The following SCRG1 variants were observed in gnomAD, a reference collection of about 807,000 sequenced individuals.
The protein encoded by SCRG1 is scrapie-responsive protein 1.
In SCRG1, 3 loss-of-function variants were observed where a neutral mutation model predicts 7.7. The observed-to-expected ratio is 0.39, with a 90% confidence interval of 0.18 to 1.01. The LOEUF (loss-of-function observed/expected upper bound fraction) is 1.01, where lower values mean the gene tolerates loss of function less well. Ranked by LOEUF, SCRG1 falls within the 50% of genes least tolerant of loss-of-function variation. The probability of loss-of-function intolerance (pLI) is 0.36; values close to 1 mark genes in which losing one functional copy is unlikely to be tolerated. For synonymous variants in SCRG1, 46 were observed against 41.2 expected (o/e 1.12, Z -0.44); for missense variants, 110 against 117.2 (o/e 0.94, Z 0.28).
At chr4:173,507,374 T>C in the SCRG1 span, among the ~76,000 whole-genome samples, 3 of 152,136 alleles carry the variant, frequency 2.0e-5, no homozygotes, top group African/African-American at 7.2e-5. The surrounding 1 kb of genome is among the most constrained non-coding windows in gnomAD (Gnocchi z 4.4). Flanking sequence ...CACGCCCGGC[T>C]AATTTTTGTA....
the SCRG1 span, among the ~76,000 whole-genome samples, chr4:173,444,663 G>C: frequency 0.059 from 9,004 of 152,224 alleles, 373 homozygotes; most frequent in Non-Finnish European, 0.086. Flanking sequence ...ACCCAATCTT[G>C]GTCAAGGAAA....
chr4:173,507,736 G>A, the SCRG1 span, among the ~76,000 whole-genome samples: 1 of 152,220 alleles, frequency 6.6e-6, no homozygotes, highest in African/African-American at 2.4e-5. The surrounding 1 kb of genome is among the most constrained non-coding windows in gnomAD (Gnocchi z 4.4). Flanking sequence ...GGATGAGAGA[G>A]CAATCTCTTT....
the SCRG1 span, among the ~76,000 whole-genome samples, chr4:173,413,202 G>T: frequency 6.6e-6 from 1 of 152,120 alleles, no homozygotes; most frequent in Non-Finnish European, 1.5e-5. Context: ...CCTACAGCTG[G>T]CAAAATGCCT....
At chr4:173,461,542 C>A in the SCRG1 span, among the ~76,000 whole-genome samples, 1 of 152,238 alleles carries the variant, frequency 6.6e-6, no homozygotes, top group African/African-American at 2.4e-5. Context: ...CAGTTTAGAT[C>A]ACAACACCCA....
chr4:173,518,710 T>C, the SCRG1 span, among the ~76,000 whole-genome samples: 2 of 152,132 alleles, frequency 1.3e-5, no homozygotes, highest in Non-Finnish European at 2.9e-5. Context: ...CGCCCCCTTT[T>C]TGGTCTCCAC....
At chr4:173,419,934 TCATAGCCCC>T in the SCRG1 span, 1 of 758,812 alleles carries the variant, frequency 1.3e-6, no homozygotes, top group Non-Finnish European at 2.4e-6. Context: ...GTGCAGACTA[TCATAGCCCC>T]CTCTATACGG....
chr4:173,482,066 C>A, the SCRG1 span, among the ~76,000 whole-genome samples: 1 of 151,856 alleles, frequency 6.6e-6, no homozygotes, highest in Non-Finnish European at 1.5e-5. Context: ...CTTACATTAT[C>A]TTGATTTGGT....
chr4:173,423,688 C>A, the SCRG1 span, among the ~76,000 whole-genome samples: 1 of 143,640 alleles, frequency 7.0e-6, no homozygotes, highest in Non-Finnish European at 1.5e-5. Flanking sequence ...TTATTTTTTC[C>A]TTATAGCATT....
At chr4:173,515,985 G>A in the SCRG1 span, among the ~76,000 whole-genome samples, 5 of 152,136 alleles carry the variant, frequency 3.3e-5, 1 homozygote, top group Non-Finnish European at 7.4e-5. This position sits in a 1 kb window ranked among gnomAD's most constrained non-coding sequence, Gnocchi z 4.6. Flanking sequence ...TCCCCAGATT[G>A]GAGAGGTTTA....
upstream of SCRG1, among the ~76,000 whole-genome samples, chr4:173,408,991 C>CAAAAAAAAAAAAAAAAAAAAAAAAAAA (rs991902394): frequency 2.0e-5 from 1 of 51,274 alleles, no homozygotes; most frequent in East Asian, 4.0e-4. Context: ...GACTCAGTCT[C>CAAAAAAAAAAAAAAAAAAAAAAAAAAA]AAAAAAAAAA....
chr4:173,483,549 A>ATTATATATTATATTATGATATATAATATT, the SCRG1 span, among the ~76,000 whole-genome samples: 1 of 47,822 alleles, frequency 2.1e-5, no homozygotes, highest in Admixed American at 3.5e-4. Context: ...TATATAATAT[A>ATTATATATTATATTATGATATATAATATT]TATTATATAT....
the SCRG1 span, among the ~76,000 whole-genome samples, chr4:173,445,572 A>G: frequency 1.1e-5 from 1 of 94,808 alleles, no homozygotes. Context: ...ACAGAGTAAG[A>G]CTCCGTCTCG....
the SCRG1 span, among the ~76,000 whole-genome samples, chr4:173,411,949 G>A: frequency 5.1e-4 from 77 of 152,276 alleles, no homozygotes; most frequent in African/African-American, 1.8e-3. Context: ...GAATGCTAGC[G>A]TTTTTCACCT....
the SCRG1 span, among the ~76,000 whole-genome samples, chr4:173,437,377 T>C: frequency 1.3e-5 from 2 of 152,230 alleles, no homozygotes; most frequent in Non-Finnish European, 2.9e-5. Flanking sequence ...ATACCACTTA[T>C]TTGATCTGGC....
chr4:173,429,868 T>C, the SCRG1 span, among the ~76,000 whole-genome samples: 1 of 152,180 alleles, frequency 6.6e-6, no homozygotes. Flanking sequence ...TTTCTAGCAA[T>C]GTTGCCAAGT....
the SCRG1 span, among the ~76,000 whole-genome samples, chr4:173,478,167 T>C: frequency 1.3e-5 from 2 of 152,180 alleles, no homozygotes; most frequent in Non-Finnish European, 2.9e-5. Flanking sequence ...TAATATAGCT[T>C]TAACCTGCTG....
the SCRG1 span, among the ~76,000 whole-genome samples, chr4:173,507,490 G>T: frequency 2.0e-5 from 3 of 152,180 alleles, no homozygotes; most frequent in African/African-American, 7.2e-5. The surrounding 1 kb of genome is among the most constrained non-coding windows in gnomAD (Gnocchi z 4.4). Context: ...GATTACAGGC[G>T]TGAGCCTCCC....
intron 2 of SCRG1, among the ~76,000 whole-genome samples, chr4:173,390,227 G>T (rs906025866): frequency 2.0e-5 from 3 of 151,568 alleles, no homozygotes; most frequent in Non-Finnish European, 2.9e-5. Context: ...TTGTATTTTT[G>T]TAGAGACAGA....
chr4:173,408,823 C>A (rs1739974696), upstream of SCRG1, among the ~76,000 whole-genome samples: 1 of 151,786 alleles, frequency 6.6e-6, no homozygotes, highest in African/African-American at 2.4e-5. Flanking sequence ...GAAACCCCGT[C>A]TCTACTAAAA....
Sources: allele counts gnomAD v4.1 joint callset (sites outside exome capture counted in the v4.1 genomes callset), GRCh38; gene constraint gnomAD v4.1.1; non-coding constraint Gnocchi (gnomAD v3.1); transcripts MANE v1.5; gene names NCBI Gene and HGNC (gene_info 2026-07-23, HGNC 2026-07-21).